The following PCDH9 variants were observed in gnomAD, a reference collection of about 807,000 sequenced individuals.
The protein encoded by PCDH9 is protocadherin-9.
In PCDH9, 24 loss-of-function variants were observed where a neutral mutation model predicts 70.6. That is an observed-to-expected ratio of 0.34 (90% CI 0.25 to 0.48). The LOEUF is 0.48. Among genes scored for constraint, PCDH9 ranks in the 20% least tolerant of loss-of-function variants. PCDH9 has a pLI of 0.99. For missense variants in PCDH9, 1,281 were observed against 1,503.6 expected (o/e 0.85, Z 2.45); for synonymous variants, 562 against 558.5 (o/e 1.01, Z -0.09).
chr13:66,336,279 C>G (rs1362812683), intron 4 of PCDH9, among the ~76,000 whole-genome samples: 8 of 150,932 alleles, frequency 5.3e-5, no homozygotes, highest in African/African-American at 1.9e-4. Context: ...TTTTAATTTA[C>G]AAAATCCACA....
At chr13:67,194,657 G>T (rs944421650) in intron 2 of PCDH9, among the ~76,000 whole-genome samples, 10 of 152,024 alleles carry the variant, frequency 6.6e-5, no homozygotes, top group Admixed American at 6.6e-5. Flanking sequence ...ATTTATTATT[G>T]TATTAGGTTT....
chr13:67,116,915 G>A (rs1307747033), intron 2 of PCDH9, among the ~76,000 whole-genome samples: 2 of 152,084 alleles, frequency 1.3e-5, no homozygotes, highest in Non-Finnish European at 2.9e-5. Flanking sequence ...TTGTCTCTCA[G>A]GGAATTTCTA....
At chr13:66,506,683 C>T (rs1959219942) in intron 4 of PCDH9, among the ~76,000 whole-genome samples, 1 of 152,148 alleles carries the variant, frequency 6.6e-6, no homozygotes, top group South Asian at 2.1e-4. Context: ...TGGCGCTACA[C>T]ACTAAGAAAG....
chr13:66,795,356 A>G (rs1408038808), intron 3 of PCDH9, among the ~76,000 whole-genome samples: 2 of 152,188 alleles, frequency 1.3e-5, no homozygotes, highest in Non-Finnish European at 2.9e-5. Flanking sequence ...GGAATGCTCA[A>G]TCTATCATAC....
intron 3 of PCDH9, among the ~76,000 whole-genome samples, chr13:66,852,234 G>C (rs1473763239): frequency 6.6e-6 from 1 of 152,020 alleles, no homozygotes; most frequent in African/African-American, 2.4e-5. Flanking sequence ...TGATGATGAT[G>C]ATGACAGTGA....
At chr13:67,204,829 T>C (rs981459323) in intron 2 of PCDH9, 2 of 152,192 alleles carry the variant, frequency 1.3e-5, no homozygotes, top group African/African-American at 4.8e-5. Context: ...ACTGTATTCA[T>C]GTCTGTATGA....
At chr13:67,014,663 C>T (rs932667577) in intron 2 of PCDH9, among the ~76,000 whole-genome samples, 1 of 152,030 alleles carries the variant, frequency 6.6e-6, no homozygotes, top group Admixed American at 6.6e-5. Context: ...ATTTCTGTAC[C>T]ACTATTAACT....
intron 3 of PCDH9, among the ~76,000 whole-genome samples, chr13:66,645,210 G>T (rs543001928): frequency 3.5e-4 from 53 of 152,116 alleles, no homozygotes; most frequent in African/African-American, 1.3e-3. Context: ...TAGTTACTAA[G>T]AAACTCTGAT....
At chr13:67,096,825 C>T (rs950366803) in intron 2 of PCDH9, among the ~76,000 whole-genome samples, 2 of 152,050 alleles carry the variant, frequency 1.3e-5, no homozygotes, top group Admixed American at 6.6e-5. Context: ...TTTGTACTTT[C>T]AATTTTCCTT....
intron 3 of PCDH9, among the ~76,000 whole-genome samples, chr13:66,657,865 G>A (rs1223840786): frequency 2.6e-5 from 4 of 152,134 alleles, no homozygotes; most frequent in African/African-American, 9.7e-5. Context: ...GAAATCTACA[G>A]TCCAATCGGC....
At chr13:66,762,669 GTTTT>G (rs1342772258) in intron 3 of PCDH9, among the ~76,000 whole-genome samples, 1 of 151,940 alleles carries the variant, frequency 6.6e-6, no homozygotes, top group Admixed American at 6.6e-5. Flanking sequence ...TCAAATTGAT[GTTTT>G]GGTTGGGAGA....
chr13:66,715,491 A>C (rs2078856390), intron 3 of PCDH9, among the ~76,000 whole-genome samples: 1 of 152,194 alleles, frequency 6.6e-6, no homozygotes, highest in Non-Finnish European at 1.5e-5. Context: ...TCAGTAGTCC[A>C]TATGTTGTAT....
intron 4 of PCDH9, among the ~76,000 whole-genome samples, chr13:66,556,307 G>A (rs1961737930): frequency 6.6e-6 from 1 of 152,076 alleles, no homozygotes; most frequent in Non-Finnish European, 1.5e-5. Flanking sequence ...CCCAGAGCAT[G>A]AGTGTAAGAT....
At chr13:67,154,596 AT>A (rs1457916905) in intron 2 of PCDH9, among the ~76,000 whole-genome samples, 2,839 of 74,158 alleles carry the variant, frequency 0.038, 341 homozygotes, top group African/African-American at 0.085. Context: ...AAAAAAAAAA[AT>A]ATATATATAC....
intron 2 of PCDH9, among the ~76,000 whole-genome samples, chr13:66,958,426 T>C (rs2080246410): frequency 1.3e-5 from 2 of 152,218 alleles, no homozygotes; most frequent in Admixed American, 1.3e-4. Context: ...GTTCAGTTTC[T>C]TTCTTGACAT....
intron 4 of PCDH9, among the ~76,000 whole-genome samples, chr13:66,351,657 T>C (rs1956293020): frequency 6.6e-6 from 1 of 152,006 alleles, no homozygotes; most frequent in African/African-American, 2.4e-5. Flanking sequence ...TTATCCAGAG[T>C]TACACATTAA....
At chr13:66,934,923 T>C (rs1002942085) in intron 2 of PCDH9, among the ~76,000 whole-genome samples, 1 of 150,396 alleles carries the variant, frequency 6.6e-6, no homozygotes, top group African/African-American at 2.4e-5. Flanking sequence ...GGTTTCACCG[T>C]GTTAGCCAGG....
chr13:66,824,876 A>C (rs2080790493), intron 3 of PCDH9, among the ~76,000 whole-genome samples: 1 of 151,606 alleles, frequency 6.6e-6, no homozygotes, highest in Non-Finnish European at 1.5e-5. Flanking sequence ...AATCTGTCTA[A>C]AAGACTCTAT....
chr13:66,308,854 G>A (rs911479847), intron 4 of PCDH9, among the ~76,000 whole-genome samples: 2 of 151,788 alleles, frequency 1.3e-5, no homozygotes, highest in Non-Finnish European at 2.9e-5. Flanking sequence ...AAACTGACCA[G>A]TCTCTAGACC....
Sources: gnomAD v4.1 joint callset for allele counts (sites outside exome capture counted in the v4.1 genomes callset) on GRCh38, gnomAD v4.1.1 for gene constraint, MANE v1.5 for transcripts, NCBI Gene and HGNC (gene_info 2026-07-23, HGNC 2026-07-21) for gene names.